Variants in MAP4K5 observed in about 807,000 individuals in gnomAD.
MAP4K5 encodes the protein mitogen-activated protein kinase kinase kinase kinase 5.
MAP4K5 carries 82 observed loss-of-function variants against 135.6 expected under a neutral mutation model. That is an observed-to-expected ratio of 0.60 (90% CI 0.51 to 0.73). The LOEUF (loss-of-function observed/expected upper bound fraction) is 0.73, where lower values mean the gene tolerates loss of function less well. Ranked by LOEUF, MAP4K5 falls within the 30% of genes least tolerant of loss-of-function variation. The pLI, the probability that MAP4K5 is intolerant of heterozygous loss-of-function variation, is 0.00. For missense variants in MAP4K5, 907 were observed against 1,010.9 expected, an observed-to-expected ratio of 0.90 and a Z score of 1.39; for synonymous variants, 347 against 335.0, an observed-to-expected ratio of 1.04 and a Z score of -0.39.
intron 1 of MAP4K5, among the ~76,000 whole-genome samples, chr14:50,551,794 A>C (rs1349569827): frequency 6.6e-6 from 1 of 152,228 alleles, no homozygotes; most frequent in Admixed American, 6.5e-5. Context: ...CAGGAAAAGC[A>C]TTTGATAAAA....
chr14:50,525,012 A>C (rs535435779), intron 2 of MAP4K5, among the ~76,000 whole-genome samples: 31 of 152,206 alleles, frequency 2.0e-4, no homozygotes, highest in African/African-American at 7.5e-4. Context: ...GACACCTTCA[A>C]TATATTATTT....
rs2036201011 is a variant in MAP4K5 at position 50,440,427 on chromosome 14, AAAT to A, written c.1576_1578del (p.Ile526del). The A allele has an allele frequency of 6.3e-7, 1 of 1,582,246 alleles. No homozygotes were observed. The highest frequency in any genetic ancestry group is 1.3e-5 in the African/African-American group (1 of 74,258). ...GTGTAAATACCATCTTCAGTTCCAA[AAAT>A]AATGTACTGATCTAAAATAGTTGAG... is the stretch of plus-strand genomic sequence containing the variant. On this transcript the variant is annotated inframe_deletion, in exon 22 of 33. Coordinates refer to ENST00000682126, the MANE Select transcript of MAP4K5 (RefSeq NM_006575.6).
intron 14 of MAP4K5, among the ~76,000 whole-genome samples, chr14:50,455,074 G>T (rs944473825): frequency 4.0e-5 from 6 of 151,866 alleles, no homozygotes; most frequent in Admixed American, 2.0e-4. Flanking sequence ...TGCCAATTCG[G>T]TATATAATAA....
intron 2 of MAP4K5, among the ~76,000 whole-genome samples, chr14:50,507,534 T>G (rs1268687615): frequency 6.6e-6 from 1 of 152,240 alleles, no homozygotes; most frequent in African/African-American, 2.4e-5. Flanking sequence ...TCCCAGAGAT[T>G]CTGGTATGTT....
chr14:50,501,536 G>T (rs1412725927), intron 3 of MAP4K5, among the ~76,000 whole-genome samples: 1 of 151,954 alleles, frequency 6.6e-6, no homozygotes, highest in Non-Finnish European at 1.5e-5. Flanking sequence ...GAAAAATTCA[G>T]ATTGGGTTAT....
chr14:50,477,091 C>T (rs1178962634), intron 6 of MAP4K5, among the ~76,000 whole-genome samples: 2 of 152,182 alleles, frequency 1.3e-5, no homozygotes, highest in African/African-American at 4.8e-5. Flanking sequence ...ATCATCTCAA[C>T]AGTATTGAGT....
chr14:50,526,830 A>T (rs1419570912), intron 2 of MAP4K5, among the ~76,000 whole-genome samples: 1 of 152,234 alleles, frequency 6.6e-6, no homozygotes, highest in Admixed American at 6.5e-5. Context: ...GGAGGAAAAG[A>T]AAGTAAAGGC....
intron 27 of MAP4K5, 77 bp from the exon 28 acceptor site, chr14:50,434,648 A>AGTG: frequency 4.7e-6 from 6 of 1,278,326 alleles, no homozygotes; most frequent in Non-Finnish European, 6.5e-6. Context: ...TAAAGTCAAC[A>AGTG]GAAAGACTCC....
At chr14:50,480,585 A>T (rs2037216674) in intron 6 of MAP4K5, among the ~76,000 whole-genome samples, 1 of 152,144 alleles carries the variant, frequency 6.6e-6, no homozygotes, top group Non-Finnish European at 1.5e-5. Context: ...GGCTTATTTC[A>T]CATAACATAA....
rs1359315272 is a variant in MAP4K5, at chr14:50,476,141, G to A, written c.456C>T (p.Gly152=). 6 of 1,492,834 alleles carry A rather than the reference G, an allele frequency of 4.0e-6. No homozygotes were observed. Among genetic ancestry groups the A allele is most frequent in the East Asian group, 2.6e-5 (1 of 39,136 alleles). 92.5% of individuals were successfully genotyped at this position (1,492,834 alleles called of 1,614,324 possible). ...GAAATAACATACCTAATTTTACATCGCCATGGTCTGTCAATAAAATATTAG... is the reference window on the plus strand; with the variant it reads ...GAAATAACATACCTAATTTTACATCACCATGGTCTGTCAATAAAATATTAG... ...KGANILLTDH[G]DVKLADFGVA... Residue 152 remains glycine, a synonymous_variant, in exon 8 of 33, where the codon GGC becomes GGT. Coordinates refer to ENST00000682126, the MANE Select transcript of MAP4K5 (RefSeq NM_006575.6).
At chr14:50,466,784 A>G in intron 10 of MAP4K5, 139 bp from the exon 11 acceptor site, 1 of 471,742 alleles carries the variant, frequency 2.1e-6, no homozygotes. Context: ...ATAGAAATTA[A>G]ATTTTTAATA....
chr14:50,457,331 T>C (rs1356332940), intron 13 of MAP4K5, among the ~76,000 whole-genome samples: 1 of 152,162 alleles, frequency 6.6e-6, no homozygotes, highest in South Asian at 2.1e-4. Context: ...TAAATATGTA[T>C]GAGACTATGG....
chr14:50,514,466 A>C (rs2037991859), intron 2 of MAP4K5, among the ~76,000 whole-genome samples: 1 of 152,232 alleles, frequency 6.6e-6, no homozygotes, highest in African/African-American at 2.4e-5. Flanking sequence ...TAATACTAGG[A>C]ATGTAATGAA....
At chr14:50,524,966 G>A (rs2038230921) in intron 2 of MAP4K5, among the ~76,000 whole-genome samples, 1 of 152,170 alleles carries the variant, frequency 6.6e-6, no homozygotes, top group Admixed American at 6.5e-5. Flanking sequence ...TCGTTCCTAT[G>A]AAAAGAACTT....
chr14:50,456,521 A>G lies in MAP4K5; in HGVS notation c.1010T>C (p.Ile337Thr), dbSNP rs1380522895. The change falls in exon 14 of 33, where the codon ATA becomes ACA. Residue 337 changes from isoleucine (I) to threonine (T), a missense_variant. Around this residue, in one of 3 missense-constraint regions of MAP4K5, gnomAD observed 690 missense variants for 777.4 expected, o/e 0.89. Transcript: ENST00000682126. ...NARAERTASE[I>T]NFDKLQFEPP... is the part of the protein sequence containing the mutation. ...AATGTAAACCAAACACATACAATTT[A>G]TTTCTGAAGCTGTCCGTTCAGCTCT... The G allele has an allele frequency of 6.4e-7, 1 of 1,567,956 alleles. No individual in the cohort carries two copies. The highest frequency in any genetic ancestry group is 1.3e-5 in the African/African-American group (1 of 74,090).
At position 50,470,653 on chromosome 14, in the gene MAP4K5, T is replaced by TAC. The variant is rs59377868; in HGVS notation, c.543-1873_543-1872dup. 5.4e-3 allele frequency among the ~76,000 whole-genome samples: 807 copies of TAC among 149,198 alleles called. 6 individuals are homozygous for TAC. The highest frequency in any genetic ancestry group is 0.018 in the African/African-American group (715 of 40,630). On this transcript the variant is annotated intron_variant, in intron 9 of 32. Coordinates refer to ENST00000682126, the MANE Select transcript of MAP4K5 (RefSeq NM_006575.6). ...TGTTTCACATATTTTCATCCATTTT[T>TAC]ACACACACACACACACACACACACA...
At chr14:50,466,773 T>C (rs2036843488) in intron 10 of MAP4K5, 128 bp from the exon 11 acceptor site, 3 of 481,652 alleles carry the variant, frequency 6.2e-6, no homozygotes, top group Non-Finnish European at 1.1e-5. Flanking sequence ...TACTATGGGA[T>C]ATAGAAATTA....
intron 6 of MAP4K5, among the ~76,000 whole-genome samples, chr14:50,478,676 A>G (rs527604329): frequency 6.6e-6 from 1 of 152,252 alleles, no homozygotes; most frequent in African/African-American, 2.4e-5. Flanking sequence ...AAATGCTCCA[A>G]TGAGCATTTT....
At chr14:50,485,701 C>G in intron 4 of MAP4K5, 59 bp from the exon 5 acceptor site, 2 of 1,036,496 alleles carry the variant, frequency 1.9e-6, no homozygotes, top group Non-Finnish European at 1.5e-6. Context: ...CTGAAATACT[C>G]TAAGGCTCTC....
Sources: allele counts gnomAD v4.1 joint callset (sites outside exome capture counted in the v4.1 genomes callset), GRCh38; gene constraint gnomAD v4.1.1; regional missense constraint gnomAD v4.1.1; transcripts MANE v1.5; gene names NCBI Gene and HGNC (gene_info 2026-07-23, HGNC 2026-07-21).